TAPBPL: variants seen among roughly 807,000 people sequenced by gnomAD.
TAPBPL encodes tapasin-related protein.
Under a neutral mutation model 44.8 loss-of-function variants are expected in TAPBPL, and 32 were observed. The observed-to-expected ratio is 0.71, with a 90% confidence interval of 0.54 to 0.96. The LOEUF is 0.96. Among genes scored for constraint, TAPBPL ranks in the 40% least tolerant of loss-of-function variants. TAPBPL has a pLI of 0.00. For missense variants in TAPBPL, 520 were observed against 586.6 expected, an observed-to-expected ratio of 0.89 and a Z score of 1.17; for synonymous variants, 230 against 240.7, an observed-to-expected ratio of 0.96 and a Z score of 0.41.
chr12:6,461,092 G>A (rs1949847514), intron 6 of TAPBPL, 154 bp downstream of exon 6: 4 of 1,453,050 alleles, frequency 2.8e-6, no homozygotes, highest in African/African-American at 2.8e-5. Context: ...AAATGAAAAT[G>A]AAACCAGTCG....
downstream of TAPBPL, chr12:6,465,373 AATGTATATAT>A: frequency 9.6e-6 from 1 of 103,976 alleles, no homozygotes; most frequent in Non-Finnish European, 1.9e-5. Context: ...TATATATATA[AATGTATATAT>A]ATGTATATAT....
downstream of TAPBPL, chr12:6,463,432 G>C: frequency 9.5e-7 from 1 of 1,049,224 alleles, no homozygotes; most frequent in Non-Finnish European, 1.2e-6. The surrounding 1 kb of genome is among the most constrained non-coding windows in gnomAD (Gnocchi z 4.0). Flanking sequence ...TGCACGGGTG[G>C]TGTGGAGGAA....
chr12:6,469,755 GT>G (rs1945722297), downstream of TAPBPL, among the ~76,000 whole-genome samples: 1 of 152,204 alleles, frequency 6.6e-6, no homozygotes, highest in African/African-American at 2.4e-5. Flanking sequence ...TTTAGCCGTA[GT>G]TTTCCCTCAA....
intron 6 of TAPBPL, chr12:6,461,529 C>A: frequency 2.2e-6 from 2 of 893,896 alleles, no homozygotes; most frequent in Non-Finnish European, 1.3e-6. Context: ...GTGTCTGCTG[C>A]GACCAAGCTT....
downstream of TAPBPL, chr12:6,470,685 C>T (rs1260191276): frequency 4.3e-6 from 4 of 939,856 alleles, no homozygotes; most frequent in African/African-American, 1.6e-5. Flanking sequence ...ACTGCAGCTG[C>T]CGCGCCGGCC....
chr12:6,460,595 T>G (rs947891762), intron 5 of TAPBPL, among the ~76,000 whole-genome samples: 6 of 152,236 alleles, frequency 3.9e-5, no homozygotes, highest in Non-Finnish European at 7.3e-5. Context: ...TAAACCCACC[T>G]AAATCTCACT....
intron 3 of TAPBPL, among the ~76,000 whole-genome samples, chr12:6,454,717 G>A (rs1376108520): frequency 1.3e-5 from 2 of 152,106 alleles, no homozygotes; most frequent in Non-Finnish European, 2.9e-5. Context: ...GTGCTTCAGG[G>A]GTAAAGCTCA....
At chr12:6,452,839 C>T (rs1432362930) in intron 1 of TAPBPL, among the ~76,000 whole-genome samples, 1 of 152,228 alleles carries the variant, frequency 6.6e-6, no homozygotes, top group African/African-American at 2.4e-5. Flanking sequence ...CTGAGCAAGG[C>T]AAATCCAGGA....
rs1382401163 is a variant in TAPBPL at position 6,457,398 on chromosome 12, C to A, written c.566-8C>A. 1.2e-6 allele frequency: 2 copies of A among 1,608,868 alleles called. No individual in the cohort carries two copies. The highest frequency in any genetic ancestry group is 1.3e-5 in the African/African-American group (1 of 74,816). ...GCCCACAAATCACCCCTCTTTTCCT[C>A]TTCACAGTGGAGTTCCAGGTGATGA... On this transcript the variant is annotated splice_polypyrimidine_tract_variant and splice_region_variant and intron_variant, in intron 3 of 6. Coordinates refer to ENST00000266556, the MANE Select transcript of TAPBPL (RefSeq NM_018009.5).
chr12:6,461,392 T>C lies in TAPBPL; in HGVS notation c.1291+454T>C, dbSNP rs1363072355. 3.0e-6 allele frequency: 3 copies of C among 1,003,842 alleles called. No homozygotes were observed. In the African/African-American group the frequency reaches 5.2e-5, roughly 17 times the overall value. 62.2% of individuals were successfully genotyped at this position (1,003,842 alleles called of 1,614,324 possible). ...TGGAGGATAAGACCAAAGAGCCAGG[T>C]TGGTGGTGTGACGGTAGGAAAACAA... On this transcript the variant is annotated intron_variant, in intron 6 of 6. Transcript: ENST00000266556.
chr12:6,466,119 G>T (rs1360073816), downstream of TAPBPL: 7 of 1,610,550 alleles, frequency 4.3e-6, no homozygotes, highest in African/African-American at 8.0e-5. Context: ...TGCCTCTCAG[G>T]GCCTTTGACT....
chr12:6,470,726 C>A (rs1945755156), downstream of TAPBPL: 1 of 675,666 alleles, frequency 1.5e-6, no homozygotes, highest in South Asian at 1.8e-5. Context: ...CCACGCCTCC[C>A]GGATAACGGT....
downstream of TAPBPL, chr12:6,465,085 G>T (rs1949971313): frequency 5.0e-6 from 6 of 1,192,002 alleles, no homozygotes; most frequent in Non-Finnish European, 7.0e-6. Context: ...AGGCCTCTTA[G>T]AGAGGCCCTA....
downstream of TAPBPL, chr12:6,463,914 T>G: frequency 7.8e-7 from 1 of 1,287,266 alleles, no homozygotes; most frequent in Non-Finnish European, 1.0e-6. The surrounding 1 kb of genome is among the most constrained non-coding windows in gnomAD (Gnocchi z 4.0). Flanking sequence ...AAAAACAAGT[T>G]TTTACTTTCG....
At chr12:6,464,337 G>A, downstream of TAPBPL, 6 of 1,550,164 alleles carry the variant, frequency 3.9e-6, no homozygotes, top group Non-Finnish European at 5.2e-6. Flanking sequence ...CAACGAAAAA[G>A]GAGGAATGGG....
chr12:6,467,045 T>C (rs904698093), downstream of TAPBPL: 5 of 175,742 alleles, frequency 2.8e-5, no homozygotes, highest in African/African-American at 4.8e-5. Context: ...GCTGCTGCCA[T>C]GTAAGAAGTG....
chr12:6,470,381 G>A, downstream of TAPBPL: 4 of 1,196,090 alleles, frequency 3.3e-6, no homozygotes, highest in African/African-American at 1.5e-5. Flanking sequence ...CCCCTCCCTG[G>A]GGGTGGCCCG....
downstream of TAPBPL, chr12:6,462,683 G>A (rs572486499): frequency 2.7e-5 from 23 of 850,992 alleles, 1 homozygote; most frequent in Middle Eastern, 3.5e-4. Context: ...CCAAGAGGAC[G>A]GATTCGCTCC....
At chr12:6,465,325 C>T (rs1949975625), downstream of TAPBPL, 1 of 321,734 alleles carries the variant, frequency 3.1e-6, no homozygotes, top group African/African-American at 2.9e-5. Context: ...ATATTTCAAT[C>T]TGAGAAAGCT....
Sources: gnomAD v4.1 joint callset for allele counts (sites outside exome capture counted in the v4.1 genomes callset) on GRCh38, gnomAD v4.1.1 for gene constraint, Gnocchi (gnomAD v3.1) non-coding constraint, MANE v1.5 for transcripts, NCBI Gene and HGNC (gene_info 2026-07-23, HGNC 2026-07-21) for gene names.